GABRA5: variants seen among roughly 807,000 people sequenced by gnomAD.
The protein encoded by GABRA5 is gamma-aminobutyric acid type A receptor subunit alpha5.
GABRA5 carries 18 observed loss-of-function variants against 47.3 expected under a neutral mutation model. The ratio of observed to expected loss-of-function variants is 0.38; its 90% CI spans 0.26 to 0.56. The LOEUF (loss-of-function observed/expected upper bound fraction) is 0.56, where lower values mean the gene tolerates loss of function less well. GABRA5 is among the 20% of genes least tolerant of loss of function. GABRA5 has a pLI of 0.71. For missense variants in GABRA5, 365 were observed against 599.3 expected (o/e 0.61, Z 4.08); for synonymous variants, 237 against 229.3 (o/e 1.03, Z -0.30).
intron 6 of GABRA5, among the ~76,000 whole-genome samples, chr15:26,900,559 C>G (rs1339485564): frequency 2.0e-5 from 3 of 152,074 alleles, no homozygotes; most frequent in African/African-American, 7.2e-5. Flanking sequence ...ATTTTTGGAG[C>G]AGTTTTAGGT....
chr15:26,947,949 A>G lies in GABRA5; in HGVS notation c.1105A>G (p.Ile369Val), dbSNP rs1425747070. The G allele has an allele frequency of 6.3e-7, 1 of 1,577,774 alleles. No individual in the cohort carries two copies. Among genetic ancestry groups the G allele is most frequent in the African/African-American group, 1.3e-5 (1 of 74,196 alleles). ...TATTTTGCAGAAAAAGCGTGAAGTC[A>G]TACTAAATAAGTCAACAAACGCTTT... is the stretch of plus-strand genomic sequence containing the variant. ...AAKIKKKREV[I>V]LNKSTNAFTT... Residue 369 changes from isoleucine to valine, a missense_variant, in exon 11 of 11, where the codon ATA becomes GTA. Around this residue, in one of 3 missense-constraint regions of GABRA5, gnomAD observed 106 missense variants for 130.3 expected, o/e 0.81. Coordinates refer to ENST00000335625, the MANE Select transcript of GABRA5 (RefSeq NM_000810.4).
chr15:26,900,457 C>A (rs748771144), intron 6 of GABRA5, among the ~76,000 whole-genome samples: 1 of 151,944 alleles, frequency 6.6e-6, no homozygotes, highest in Non-Finnish European at 1.5e-5. Flanking sequence ...TTTATCTCTG[C>A]CTAAAGGATT....
At chr15:26,937,437 A>T in intron 8 of GABRA5, 109 bp downstream of exon 8, 21 of 1,148,842 alleles carry the variant, frequency 1.8e-5, no homozygotes, top group Non-Finnish European at 2.3e-5. Context: ...GAGGCCGCAC[A>T]GCAGCCTCCC....
At chr15:26,946,738 A>G (rs886402730) in intron 10 of GABRA5, among the ~76,000 whole-genome samples, 1 of 151,536 alleles carries the variant, frequency 6.6e-6, no homozygotes, top group Non-Finnish European at 1.5e-5. Context: ...CATATCCACT[A>G]TTTTTATTTC....
chr15:26,938,711 C>T (rs142068740), intron 8 of GABRA5, among the ~76,000 whole-genome samples: 15 of 152,234 alleles, frequency 9.9e-5, no homozygotes, highest in Non-Finnish European at 2.1e-4. Flanking sequence ...TCACCTGCTG[C>T]GGACTATGGG....
At chr15:26,888,638 G>T (rs1449557166) in intron 6 of GABRA5, among the ~76,000 whole-genome samples, 1 of 152,184 alleles carries the variant, frequency 6.6e-6, no homozygotes, top group Admixed American at 6.5e-5. Context: ...GTACAGGGTG[G>T]CCACCTGTTT....
At chr15:26,912,142 C>G (rs1429243827) in intron 6 of GABRA5, among the ~76,000 whole-genome samples, 1 of 152,212 alleles carries the variant, frequency 6.6e-6, no homozygotes, top group Non-Finnish European at 1.5e-5. Flanking sequence ...CATGCCTCTC[C>G]TGATCAGAAG....
At chr15:26,882,719 C>G (rs1892763024) in intron 4 of GABRA5, among the ~76,000 whole-genome samples, 1 of 152,154 alleles carries the variant, frequency 6.6e-6, no homozygotes, top group African/African-American at 2.4e-5. Flanking sequence ...CCAGGACCTC[C>G]TGCTTTGATT....
chr15:26,915,008 C>A, intron 7 of GABRA5, 123 bp downstream of exon 7: 1 of 784,558 alleles, frequency 1.3e-6, no homozygotes, highest in Non-Finnish European at 2.2e-6. Flanking sequence ...GTTTAAGAAG[C>A]GTGGAGAGTG....
intron 3 of GABRA5, among the ~76,000 whole-genome samples, chr15:26,873,953 A>G (rs543659345): frequency 6.6e-6 from 1 of 152,304 alleles, no homozygotes; most frequent in Admixed American, 6.5e-5. Context: ...TACCCAAAGT[A>G]AATAATTCTC....
chr15:26,893,426 G>GTA (rs1421501552), intron 6 of GABRA5, among the ~76,000 whole-genome samples: 2 of 116,240 alleles, frequency 1.7e-5, no homozygotes, highest in Admixed American at 8.3e-5. Context: ...GTGTGTGTAT[G>GTA]GTGTGTGGCG....
At chr15:26,879,995 C>A (rs1892688604) in intron 3 of GABRA5, among the ~76,000 whole-genome samples, 1 of 152,148 alleles carries the variant, frequency 6.6e-6, no homozygotes, top group African/African-American at 2.4e-5. Flanking sequence ...GCTGTAGAAA[C>A]CTGAGGTGGG....
chr15:26,886,906 A>G (rs912796023), intron 6 of GABRA5, among the ~76,000 whole-genome samples: 4 of 152,240 alleles, frequency 2.6e-5, no homozygotes, highest in African/African-American at 9.6e-5. Flanking sequence ...CGATAGAGCT[A>G]TAGCTAGAAT....
intron 6 of GABRA5, among the ~76,000 whole-genome samples, chr15:26,896,687 A>T (rs1418233099): frequency 6.6e-6 from 1 of 152,144 alleles, no homozygotes; most frequent in Non-Finnish European, 1.5e-5. Flanking sequence ...GTGTGATTAT[A>T]CACACTGGCC....
rs140681 is a variant in GABRA5 at position 26,937,065 on chromosome 15, G to A, written c.581-120G>A. The A allele has an allele frequency of 0.094, 119,081 of 1,267,082 alleles. 6,717 individuals carry two copies. Among genetic ancestry groups the A allele is most frequent in the South Asian group, 0.22 (17,823 of 82,044 alleles). The allele number at this position is 1,267,082 out of a possible 1,614,324, so 78.5% of individuals were successfully genotyped here. A position where few individuals can be genotyped will look rare whatever the true frequency, so the allele number is the denominator to read the frequency against. Reference sequence around the variant, plus strand: ...CCACCCTATGCATTTTTTAGGTCATGGAACCTTGACTTTTCAAACGTTCTC... The same window carrying A: ...CCACCCTATGCATTTTTTAGGTCATAGAACCTTGACTTTTCAAACGTTCTC... On this transcript the variant is annotated intron_variant, in intron 7 of 10. Transcript: ENST00000335625.
chr15:26,921,992 C>A (rs1441075542), intron 7 of GABRA5, among the ~76,000 whole-genome samples: 1 of 152,022 alleles, frequency 6.6e-6, no homozygotes, highest in Non-Finnish European at 1.5e-5. Context: ...AATTTGTGAG[C>A]ATTGTTTTAT....
intron 7 of GABRA5, among the ~76,000 whole-genome samples, chr15:26,923,698 C>A (rs1355516449): frequency 6.6e-6 from 1 of 152,086 alleles, no homozygotes; most frequent in Non-Finnish European, 1.5e-5. Context: ...TCTGGTCCAG[C>A]CTGTCTCTGT....
At position 26,883,566 on chromosome 15, in the gene GABRA5, CG is replaced by C. The variant is rs1566866352; in HGVS notation, c.497+12del. ...CTGCTCTACACCATGCGGTGAGCGCCGGGCGGGGGCGGGCGGGGCCGGGGGA... is the reference window on the plus strand; with the variant it reads ...CTGCTCTACACCATGCGGTGAGCGCCGGCGGGGGCGGGCGGGGCCGGGGGA... On this transcript the variant is annotated intron_variant, in intron 6 of 10. Coordinates refer to ENST00000335625, the MANE Select transcript of GABRA5 (RefSeq NM_000810.4). This position sits in a 1 kb window ranked among gnomAD's most constrained non-coding sequence, Gnocchi z 4.8. The C allele has an allele frequency of 5.6e-6, 3 of 540,458 alleles. No homozygotes were observed. Among genetic ancestry groups the C allele is most frequent in the Admixed American group, 2.4e-5 (1 of 41,586 alleles). 33.5% of individuals were successfully genotyped at this position (540,458 alleles called of 1,614,324 possible).
intron 6 of GABRA5, among the ~76,000 whole-genome samples, chr15:26,888,389 C>T (rs529509276): frequency 6.6e-6 from 1 of 152,302 alleles, no homozygotes; most frequent in African/African-American, 2.4e-5. Context: ...ATTAGGCTTC[C>T]AGCACTAGGC....
Sources: allele counts gnomAD v4.1 joint callset (sites outside exome capture counted in the v4.1 genomes callset), GRCh38; gene constraint gnomAD v4.1.1; regional missense constraint gnomAD v4.1.1; non-coding constraint Gnocchi (gnomAD v3.1); transcripts MANE v1.5; gene names NCBI Gene and HGNC (gene_info 2026-07-23, HGNC 2026-07-21).